COLEC10: variants seen among roughly 807,000 people sequenced by gnomAD.
COLEC10 encodes the protein collectin-10.
Under a neutral mutation model 28.4 loss-of-function variants are expected in COLEC10, and 22 were observed. That is an observed-to-expected ratio of 0.78 (90% confidence interval 0.55 to 1.11). The LOEUF (loss-of-function observed/expected upper bound fraction) is 1.11. COLEC10 is among the 50% of genes least tolerant of loss of function. The pLI is 0.00. For synonymous variants in COLEC10, 125 were observed against 116.1 expected (o/e 1.08, Z -0.49); for missense variants, 361 against 344.1 (o/e 1.05, Z -0.39).
Position 119,106,173 on chromosome 8 carries a change from C to A in COLEC10, c.816C>A (p.Phe272Leu). The A allele has an allele frequency of 4.4e-6, 7 of 1,596,184 alleles. No individual in the cohort carries two copies. The highest frequency in any genetic ancestry group is 5.1e-6 in the Non-Finnish European group (6 of 1,166,840). ...TTACCATGTACTTTGTCTGTGAGTT[C>A]ATCAAGAAGAAAAAGTAACTTCCCT... is the stretch of plus-strand genomic sequence containing the variant. ...CHLTMYFVCE[F>L]IKKKK The change falls in exon 6 of 6, where the codon TTC (phenylalanine) becomes TTA (leucine). Residue 272 changes from phenylalanine (F) to leucine (L), a missense_variant. Physicochemically the swap from Phe to Leu is conservative, Grantham distance 22 (BLOSUM62 0). Coordinates refer to ENST00000332843, the MANE Select transcript of COLEC10 (RefSeq NM_006438.5).
At chr8:119,081,271 A>G (rs886741102) in intron 1 of COLEC10, among the ~76,000 whole-genome samples, 1 of 152,200 alleles carries the variant, frequency 6.6e-6, no homozygotes, top group Non-Finnish European at 1.5e-5. Flanking sequence ...ATGATGAAAT[A>G]TGATACAGAC....
At chr8:119,103,935 ATC>A in intron 5 of COLEC10, 40 bp downstream of exon 5, 1 of 1,281,244 alleles carries the variant, frequency 7.8e-7, no homozygotes, top group Non-Finnish European at 1.1e-6. Context: ...CTATTGATAG[ATC>A]TCCATCAACA....
upstream of COLEC10, among the ~76,000 whole-genome samples, chr8:118,994,337 G>A (rs1012041262): frequency 2.6e-5 from 4 of 151,942 alleles, no homozygotes; most frequent in Non-Finnish European, 5.9e-5. Context: ...AATGAGAGAT[G>A]GGTAAATTTC....
upstream of COLEC10, among the ~76,000 whole-genome samples, chr8:119,064,537 A>G (rs1814917681): frequency 6.6e-6 from 1 of 152,210 alleles, no homozygotes; most frequent in Non-Finnish European, 1.5e-5. Flanking sequence ...GTCCAAACTC[A>G]TTTTACATGC....
the COLEC10 span, among the ~76,000 whole-genome samples, chr8:118,963,890 C>T: frequency 6.6e-6 from 1 of 152,162 alleles, no homozygotes; most frequent in South Asian, 2.1e-4. Flanking sequence ...TTGTGAGGTG[C>T]TGGACATGGA....
the COLEC10 span, chr8:118,982,804 T>C: frequency 6.6e-6 from 1 of 152,500 alleles, no homozygotes; most frequent in Non-Finnish European, 1.5e-5. Flanking sequence ...GGTCAGGATA[T>C]TTTGCTCAGA....
intron 2 of COLEC10, among the ~76,000 whole-genome samples, chr8:119,023,592 T>G (rs1814135095): frequency 6.6e-6 from 1 of 152,204 alleles, no homozygotes. Context: ...TTCTTGGTGC[T>G]TTCCTTGACA....
chr8:118,952,543 C>T, the COLEC10 span, among the ~76,000 whole-genome samples: 1 of 152,206 alleles, frequency 6.6e-6, no homozygotes, highest in East Asian at 1.9e-4. Context: ...ATTTTTCTAA[C>T]TAATGTCTGA....
At chr8:119,060,644 T>C (rs1241342061) in intron 2 of COLEC10, among the ~76,000 whole-genome samples, 1 of 152,060 alleles carries the variant, frequency 6.6e-6, no homozygotes, top group Non-Finnish European at 1.5e-5. Flanking sequence ...AATATACACA[T>C]CCCCTTAAAC....
At chr8:118,986,784 T>G in the COLEC10 span, among the ~76,000 whole-genome samples, 1 of 152,112 alleles carries the variant, frequency 6.6e-6, no homozygotes, top group Admixed American at 6.6e-5. Context: ...AAGAAGCCAG[T>G]CACAAAAGGC....
the COLEC10 span, among the ~76,000 whole-genome samples, chr8:118,975,218 T>C: frequency 6.6e-6 from 1 of 152,048 alleles, no homozygotes; most frequent in African/African-American, 2.4e-5. Context: ...GAATAGATAT[T>C]AAATATTTAA....
chr8:119,049,808 T>C (rs541546236), intron 2 of COLEC10, among the ~76,000 whole-genome samples: 1 of 152,224 alleles, frequency 6.6e-6, no homozygotes, highest in African/African-American at 2.4e-5. Flanking sequence ...AAATGAATCA[T>C]ACTATAAATC....
intron 1 of COLEC10, among the ~76,000 whole-genome samples, chr8:118,997,570 CA>C (rs1813611056): frequency 6.6e-6 from 1 of 152,136 alleles, no homozygotes; most frequent in African/African-American, 2.4e-5. Context: ...GAAACAGATT[CA>C]AAGTATTTAT....
intron 2 of COLEC10, among the ~76,000 whole-genome samples, chr8:119,010,947 T>C (rs917038223): frequency 1.3e-5 from 2 of 151,078 alleles, no homozygotes; most frequent in Admixed American, 6.6e-5. Flanking sequence ...TGTGATTCTC[T>C]TTCAATTCTC....
the COLEC10 span, among the ~76,000 whole-genome samples, chr8:118,987,413 C>T: frequency 6.6e-6 from 1 of 152,084 alleles, no homozygotes; most frequent in South Asian, 2.1e-4. Flanking sequence ...AAAACACAAA[C>T]ATTAGCCAGA....
intron 3 of COLEC10, 99 bp downstream of exon 3, chr8:119,091,319 G>A (rs1815589275): frequency 1.2e-6 from 1 of 840,110 alleles, no homozygotes; most frequent in African/African-American, 1.7e-5. Flanking sequence ...AGACCGAGGT[G>A]GGAGGATACC....
chr8:118,991,547 T>G (rs1813506382), upstream of COLEC10, among the ~76,000 whole-genome samples: 1 of 152,182 alleles, frequency 6.6e-6, no homozygotes, highest in Non-Finnish European at 1.5e-5. Context: ...GGAGACAGAA[T>G]GCAAACCAGT....
rs1815614430 is a variant in COLEC10, at chr8:119,092,016, G to A, written c.292+796G>A. Among the ~76,000 whole-genome samples the A allele has an allele frequency of 2.0e-5, 3 of 151,472 alleles. No individual in the cohort carries two copies. In the South Asian group the frequency reaches 6.3e-4, roughly 32 times the overall value. On this transcript the variant is annotated intron_variant, in intron 3 of 5. Transcript: ENST00000332843. The stretch of plus-strand genomic sequence containing the variant: ...GTGCCTATGATCTATTAACAGGATA[G>A]AAACTTGGAGCATATATGTGGATAC...
chr8:119,001,439 G>T (rs1423079113), intron 1 of COLEC10, among the ~76,000 whole-genome samples: 1 of 152,158 alleles, frequency 6.6e-6, no homozygotes, highest in Non-Finnish European at 1.5e-5. Context: ...TGCCTAGCAA[G>T]AAACCCTGTC....
Sources: gnomAD v4.1 joint callset for allele counts (sites outside exome capture counted in the v4.1 genomes callset) on GRCh38, gnomAD v4.1.1 for gene constraint, MANE v1.5 for transcripts, NCBI Gene and HGNC (gene_info 2026-07-23, HGNC 2026-07-21) for gene names.